Variants in NCK2 observed in about 807,000 individuals in gnomAD.
NCK2 encodes NCK adaptor protein 2.
Under a neutral mutation model 33.9 loss-of-function variants are expected in NCK2, and 16 were observed. That is an observed-to-expected ratio of 0.47 (90% CI 0.32 to 0.72). NCK2 has a LOEUF of 0.72. Among genes scored for constraint, NCK2 ranks in the 30% least tolerant of loss-of-function variants. NCK2 has a pLI of 0.03. For missense variants in NCK2, 418 were observed against 537.3 expected (o/e 0.78, Z 2.19); for synonymous variants, 273 against 239.9 (o/e 1.14, Z -1.27).
Position 105,867,514 on chromosome 2 carries a change from A to G in NCK2, c.226+12225A>G, listed in dbSNP as rs562239069. 2.6e-5 allele frequency among the ~76,000 whole-genome samples: 4 copies of G among 152,324 alleles called. No individual in the cohort carries two copies. The South Asian group carries it at 8.3e-4, about 32-fold the overall frequency. On this transcript the variant is annotated intron_variant, in intron 3 of 4. Transcript: ENST00000233154. Reference sequence around the variant, plus strand: ...AAACAAATCACAACAGATTAGTGGGAGGATACTTCGAGAGAAAATAGACAC... The same window carrying G: ...AAACAAATCACAACAGATTAGTGGGGGGATACTTCGAGAGAAAATAGACAC...
chr2:105,834,803 T>TCC (rs1402783563), intron 2 of NCK2, among the ~76,000 whole-genome samples: 4 of 152,150 alleles, frequency 2.6e-5, no homozygotes, highest in African/African-American at 9.7e-5. Context: ...CCCGGGTAGC[T>TCC]GGGCCTACAG....
intron 2 of NCK2, chr2:105,846,400 T>G (rs1652769555): frequency 6.6e-6 from 1 of 152,120 alleles, no homozygotes; most frequent in South Asian, 2.1e-4. Context: ...ACTCACATTT[T>G]AAGGCATTTT....
Position 105,836,514 on chromosome 2 carries a change from G to T in NCK2, c.-16-18534G>T, listed in dbSNP as rs1296584200. 2.0e-5 allele frequency among the ~76,000 whole-genome samples: 3 copies of T among 152,196 alleles called. No homozygotes were observed. In the East Asian group the frequency reaches 5.8e-4, roughly 29 times the overall value. Reference sequence around the variant, plus strand: ...AGGCCTCCAGGCTGCGTATGTGGCAGCTTACTGCTGGAGGGAGCAAAGTTG... The same window carrying T: ...AGGCCTCCAGGCTGCGTATGTGGCATCTTACTGCTGGAGGGAGCAAAGTTG... On this transcript the variant is annotated intron_variant, in intron 2 of 4. Transcript: ENST00000233154.
chr2:105,883,495 G>A (rs1350029388), intron 4 of NCK2, among the ~76,000 whole-genome samples: 3 of 152,162 alleles, frequency 2.0e-5, no homozygotes, highest in Non-Finnish European at 4.4e-5. Context: ...GCAGTGTGGA[G>A]ACATTGGTCC....
intron 1 of NCK2, among the ~76,000 whole-genome samples, chr2:105,804,697 G>A (rs1171329702): frequency 6.6e-6 from 1 of 152,134 alleles, no homozygotes; most frequent in African/African-American, 2.4e-5. Context: ...TTTATTTATT[G>A]AATGAAATAC....
intron 1 of NCK2, among the ~76,000 whole-genome samples, chr2:105,800,862 C>T (rs932610578): frequency 4.6e-5 from 7 of 152,138 alleles, no homozygotes; most frequent in Admixed American, 4.6e-4. Context: ...CACCTTGCTG[C>T]TTTTCAATCC....
At chr2:105,779,931 C>G (rs1690433008) in intron 1 of NCK2, among the ~76,000 whole-genome samples, 1 of 152,148 alleles carries the variant, frequency 6.6e-6, no homozygotes, top group South Asian at 2.1e-4. Flanking sequence ...TTCAGGATAG[C>G]GTGTACATAT....
intron 2 of NCK2, among the ~76,000 whole-genome samples, chr2:105,830,670 GGTGTGTGTGTGT>G (rs56220635): frequency 0.017 from 1,686 of 99,038 alleles, 15 homozygotes; most frequent in Non-Finnish European, 0.022. Context: ...CCAGGAATTT[GGTGTGTGTGTGT>G]GTGTGTGTGT....
At chr2:105,853,901 C>T (rs1303405460) in intron 2 of NCK2, 1 of 152,130 alleles carries the variant, frequency 6.6e-6, no homozygotes, top group Admixed American at 6.5e-5. Flanking sequence ...TCAGCTGTCA[C>T]CTGGGGGATG....
chr2:105,815,999 C>T (rs1351331733), intron 1 of NCK2, among the ~76,000 whole-genome samples: 1 of 152,188 alleles, frequency 6.6e-6, no homozygotes, highest in South Asian at 2.1e-4. Flanking sequence ...ACCTGCTGTT[C>T]ACCGGGTGTG....
At chr2:105,886,360 T>G (rs1026021010) in intron 4 of NCK2, among the ~76,000 whole-genome samples, 1 of 152,258 alleles carries the variant, frequency 6.6e-6, no homozygotes, top group Non-Finnish European at 1.5e-5. Flanking sequence ...CTCTGCCTTC[T>G]CACTCTGGCT....
chr2:105,744,723 G>A (rs1689199774), upstream of NCK2, among the ~76,000 whole-genome samples: 1 of 150,966 alleles, frequency 6.6e-6, no homozygotes, highest in African/African-American at 2.4e-5. Context: ...ACGACGGGGG[G>A]CGCCCCAGGT....
At chr2:105,842,441 A>AT (rs138850961) in intron 2 of NCK2, among the ~76,000 whole-genome samples, 2,133 of 152,188 alleles carry the variant, frequency 0.014, 41 homozygotes, top group African/African-American at 0.049. Flanking sequence ...AGTTTGTAAC[A>AT]TTTTTTCCTA....
At chr2:105,835,405 A>ATATATATATATATATG (rs70953537) in intron 2 of NCK2, among the ~76,000 whole-genome samples, 10 of 37,948 alleles carry the variant, frequency 2.6e-4, no homozygotes, top group African/African-American at 3.3e-4. Context: ...ATATATATAT[A>ATATATATATATATATG]CGTGTATATA....
At chr2:105,746,214 A>G (rs1049005873) in intron 1 of NCK2, among the ~76,000 whole-genome samples, 1 of 152,216 alleles carries the variant, frequency 6.6e-6, no homozygotes, top group Admixed American at 6.5e-5. Flanking sequence ...CATCTGCATA[A>G]TGGGATGAGC....
chr2:105,863,823 A>C (rs1677640582), intron 3 of NCK2, among the ~76,000 whole-genome samples: 1 of 152,124 alleles, frequency 6.6e-6, no homozygotes, highest in African/African-American at 2.4e-5. Context: ...TTAATCATTG[A>C]GTGACTTTGA....
chr2:105,800,528 C>T (rs577005666), intron 1 of NCK2, among the ~76,000 whole-genome samples: 3 of 152,254 alleles, frequency 2.0e-5, no homozygotes, highest in Admixed American at 6.5e-5. Flanking sequence ...TTCAGGATTA[C>T]GTAAGAGTGG....
intron 1 of NCK2, among the ~76,000 whole-genome samples, chr2:105,813,653 G>A (rs1675373033): frequency 1.3e-5 from 2 of 152,234 alleles, no homozygotes; most frequent in African/African-American, 4.8e-5. Context: ...CTGCGCCTGG[G>A]ACAAGTAGTG....
intron 1 of NCK2, among the ~76,000 whole-genome samples, chr2:105,777,924 G>C (rs1690366560): frequency 6.6e-6 from 1 of 152,190 alleles, no homozygotes; most frequent in Non-Finnish European, 1.5e-5. Context: ...GTTTCGCCTA[G>C]CCGTTCAGCC....
Sources: allele counts gnomAD v4.1 joint callset (sites outside exome capture counted in the v4.1 genomes callset), GRCh38; gene constraint gnomAD v4.1.1; transcripts MANE v1.5; gene names NCBI Gene and HGNC (gene_info 2026-07-23, HGNC 2026-07-21).